The following FLT1 variants were observed in gnomAD, a reference collection of about 807,000 sequenced individuals.
The protein encoded by FLT1 is vascular endothelial growth factor receptor 1.
Under a neutral mutation model 156.3 loss-of-function variants are expected in FLT1, and 49 were observed. The ratio of observed to expected loss-of-function variants is 0.31; its 90% CI spans 0.25 to 0.40. The LOEUF (loss-of-function observed/expected upper bound fraction) is 0.40. Among genes scored for constraint, FLT1 ranks in the 10% least tolerant of loss-of-function variants. FLT1 has a pLI of 1.00. For missense variants in FLT1, 1,322 were observed against 1,637.2 expected (o/e 0.81, Z 3.32); for synonymous variants, 594 against 583.8 (o/e 1.02, Z -0.25).
rs1325455883 is a variant in FLT1, at chr13:28,345,448, T to C, written c.2352A>G (p.Lys784=). 1 of 1,592,248 alleles carries C rather than the reference T, an allele frequency of 6.3e-7. No individual in the cohort carries two copies. ...AGAACATCACCTATGTTCTTACCCT[T>C]TTCATTTTTCGGATAAAGAGGGTTA... The part of the protein sequence containing the change: ...LLLTLFIRKM[K]RSSSEIKTDY... Residue 784 remains lysine, a synonymous_variant, in exon 16 of 30, where the codon AAA becomes AAG. Coordinates refer to ENST00000282397, the MANE Select transcript of FLT1 (RefSeq NM_002019.4).
chr13:28,347,928 C>T (rs1169664154), intron 15 of FLT1, among the ~76,000 whole-genome samples: 1 of 152,212 alleles, frequency 6.6e-6, no homozygotes, highest in Non-Finnish European at 1.5e-5. Flanking sequence ...GATAATCTGA[C>T]TGCACATGCT....
chr13:28,348,685 G>A (rs901229560), intron 15 of FLT1, among the ~76,000 whole-genome samples: 1 of 152,158 alleles, frequency 6.6e-6, no homozygotes, highest in Non-Finnish European at 1.5e-5. Context: ...CGAGGTAGGC[G>A]GATCATGAGG....
rs1873977671 is a variant in FLT1 at position 28,379,323 on chromosome 13, G to A, written c.2116+5562C>T. On this transcript the variant is annotated intron_variant, in intron 14 of 29. Coordinates refer to ENST00000282397, the MANE Select transcript of FLT1 (RefSeq NM_002019.4). ...CACTCCAGCTTGAGCGACAGCGCAA[G>A]ACTCCATCTCAAAAAAAACAAAACA... 2.0e-5 allele frequency among the ~76,000 whole-genome samples: 3 copies of A among 152,316 alleles called. No homozygotes were observed. The South Asian group carries it at 6.2e-4, about 32-fold the overall frequency.
intron 14 of FLT1, among the ~76,000 whole-genome samples, chr13:28,371,918 C>A (rs1873587096): frequency 6.6e-6 from 1 of 151,214 alleles, no homozygotes; most frequent in South Asian, 2.1e-4. Context: ...TGTATTTTCC[C>A]ATTAGAATGT....
chr13:28,327,757 A>C (rs991751008), intron 19 of FLT1, among the ~76,000 whole-genome samples: 29 of 10,750 alleles, frequency 2.7e-3, no homozygotes, highest in African/African-American at 7.7e-3. Context: ...ATTGAAATAC[A>C]AAAAAAAAAA....
chr13:28,328,764 C>A (rs1168803141), intron 19 of FLT1, among the ~76,000 whole-genome samples: 4 of 152,200 alleles, frequency 2.6e-5, no homozygotes, highest in African/African-American at 4.8e-5. Context: ...GAGCTGACGG[C>A]CGCACATGAG....
intron 20 of FLT1, among the ~76,000 whole-genome samples, chr13:28,324,115 A>C (rs1236304661): frequency 1.3e-5 from 2 of 152,200 alleles, no homozygotes; most frequent in East Asian, 3.8e-4. Flanking sequence ...CTGGGTGTTC[A>C]TGGGAAACCA....
intron 19 of FLT1, among the ~76,000 whole-genome samples, chr13:28,329,161 CT>C (rs1383787362): frequency 6.6e-6 from 1 of 152,212 alleles, no homozygotes; most frequent in African/African-American, 2.4e-5. Flanking sequence ...AAGCACAGCT[CT>C]GTCCCTACCC....
chr13:28,473,676 AG>A (rs1201594848), intron 1 of FLT1, among the ~76,000 whole-genome samples: 27 of 134,726 alleles, frequency 2.0e-4, no homozygotes, highest in South Asian at 4.6e-4. Context: ...AAAGAAAGAG[AG>A]AGAGAGAGAG....
intron 12 of FLT1, among the ~76,000 whole-genome samples, chr13:28,392,611 T>C (rs2137464729): frequency 6.6e-6 from 1 of 152,338 alleles, no homozygotes; most frequent in Non-Finnish European, 1.5e-5. Context: ...TGGAAATAGC[T>C]CACAGGTTTC....
intron 14 of FLT1, among the ~76,000 whole-genome samples, chr13:28,372,345 G>A (rs150593541): frequency 6.7e-6 from 1 of 148,950 alleles, no homozygotes; most frequent in African/African-American, 2.5e-5. Context: ...GCCTCCCAAA[G>A]TGCTGGGGGA....
rs997651850 is a variant in FLT1, at chr13:28,368,390, G to T, written c.2117-10705C>A. The T allele has an allele frequency of 3.3e-6, 4 of 1,213,626 alleles. No homozygotes were observed. In the African/African-American group the frequency reaches 4.6e-5, roughly 14 times the overall value. 75.2% of individuals were successfully genotyped at this position (1,213,626 alleles called of 1,614,324 possible). On this transcript the variant is annotated intron_variant, in intron 14 of 29. Transcript: ENST00000282397. Reference sequence around the variant, plus strand: ...TGGTCTTGAACTCCTGACCTCAAATGATCCACCTGCCTTGGCCTCCCAAAG... The same window carrying T: ...TGGTCTTGAACTCCTGACCTCAAATTATCCACCTGCCTTGGCCTCCCAAAG...
chr13:28,311,538 C>CT lies in FLT1; in HGVS notation c.3635+51dup, dbSNP rs1183601879. ...CTTTCTCTTTCGTCTTTCTTTCCTT[C>CT]TTTTTTTTGTTGGAAAATTCTGTGA... On this transcript the variant is annotated intron_variant, in intron 27 of 29. Coordinates refer to ENST00000282397, the MANE Select transcript of FLT1 (RefSeq NM_002019.4). 193 of 1,432,002 alleles carry CT rather than the reference C, an allele frequency of 1.3e-4. 1 individual carries two copies. Among genetic ancestry groups the CT allele is most frequent in the South Asian group, 2.5e-4 (20 of 80,116 alleles). The allele number at this position is 1,432,002 out of a possible 1,614,324, so 88.7% of individuals were successfully genotyped here. A position where few individuals can be genotyped will look rare whatever the true frequency, so the allele number is the denominator to read the frequency against.
intron 16 of FLT1, among the ~76,000 whole-genome samples, chr13:28,341,537 C>A (rs1161228178): frequency 6.6e-6 from 1 of 152,148 alleles, no homozygotes; most frequent in Non-Finnish European, 1.5e-5. Context: ...CCATGGAAAG[C>A]TATTAAGAGC....
At chr13:28,346,886 A>T (rs1247446082) in intron 15 of FLT1, among the ~76,000 whole-genome samples, 1 of 152,204 alleles carries the variant, frequency 6.6e-6, no homozygotes, top group African/African-American at 2.4e-5. Context: ...GTAATACTCC[A>T]GTTTCATACA....
At position 28,306,716 on chromosome 13, in the gene FLT1, G is replaced by T. The variant is rs781582635; in HGVS notation, c.3777C>A (p.Thr1259=). ...AGGCCTTGGGTTTGCTGTCAGTCCA[G>T]GTGAAGCGCTTCAGCATGGGAGAGG... is the stretch of plus-strand genomic sequence containing the variant. The part of the protein sequence containing the change: ...LLASPMLKRF[T]WTDSKPKASL... Residue 1259 remains threonine (T), a synonymous_variant, in exon 29 of 30, where the codon ACC becomes ACA. Coordinates refer to ENST00000282397, the MANE Select transcript of FLT1 (RefSeq NM_002019.4). 6.2e-7 allele frequency: 1 copy of T among 1,613,972 alleles called. No homozygotes were observed. Among genetic ancestry groups the T allele is most frequent in the African/African-American group, 1.3e-5 (1 of 75,028 alleles).
In FLT1 at chr13:28,350,733, A is replaced by G. The variant is rs111980211; in HGVS notation, c.2249-5182T>C. On this transcript the variant is annotated intron_variant, in intron 15 of 29. Transcript: ENST00000282397. ...CTGCCTTGACTTAGGGACCGAACAC[A>G]GGTTTCATCGGGAAAGGGCAGGTAC... Among the ~76,000 whole-genome samples, 1,165 of 152,220 alleles carry G rather than the reference A, an allele frequency of 7.7e-3. 18 individuals are homozygous for G. The highest frequency in any genetic ancestry group is 0.026 in the African/African-American group (1,069 of 41,534).
rs191604843 is a variant in FLT1, at chr13:28,338,244, C to T, written c.2488+924G>A. Among the ~76,000 whole-genome samples, 4 of 152,204 alleles carry T rather than the reference C, an allele frequency of 2.6e-5. No homozygotes were observed. The East Asian group carries it at 5.8e-4, about 22-fold the overall frequency. ...TATCATTTGCATGTAAGGAGAGGGACGATACTGTTGAATTTGGAACAACAG... is the reference window on the plus strand; with the variant it reads ...TATCATTTGCATGTAAGGAGAGGGATGATACTGTTGAATTTGGAACAACAG... On this transcript the variant is annotated intron_variant, in intron 17 of 29. Transcript: ENST00000282397.
chr13:28,421,675 G>A (rs1334459894), intron 10 of FLT1, among the ~76,000 whole-genome samples: 1 of 152,102 alleles, frequency 6.6e-6, no homozygotes, highest in Non-Finnish European at 1.5e-5. Context: ...ATTTGTTACC[G>A]ATCCTCAGAG....
Sources: allele counts gnomAD v4.1 joint callset (sites outside exome capture counted in the v4.1 genomes callset), GRCh38; gene constraint gnomAD v4.1.1; transcripts MANE v1.5; gene names NCBI Gene and HGNC (gene_info 2026-07-23, HGNC 2026-07-21).